The following POLN variants were observed in gnomAD, a reference collection of about 807,000 sequenced individuals.
The protein encoded by POLN is DNA polymerase nu.
In POLN, 108 loss-of-function variants were observed where a neutral mutation model predicts 113.5. The ratio of observed to expected loss-of-function variants is 0.95; its 90% CI spans 0.81 to 1.12. POLN has a LOEUF of 1.12. Among genes scored for constraint, POLN ranks in the 50% most tolerant of loss-of-function variants. POLN has a pLI of 0.00. For synonymous variants in POLN, 386 were observed against 391.5 expected (o/e 0.99, Z 0.17); for missense variants, 1,097 against 1,077.1 (o/e 1.02, Z -0.26).
intron 20 of POLN, among the ~76,000 whole-genome samples, chr4:2,094,278 G>A (rs1730731078): frequency 6.9e-6 from 1 of 144,732 alleles, no homozygotes; most frequent in Non-Finnish European, 1.5e-5. Context: ...AGGAGTTGGA[G>A]GTTGAGCCAA....
intron 19 of POLN, among the ~76,000 whole-genome samples, chr4:2,121,444 A>ATAT (rs1361908101): frequency 1.3e-5 from 1 of 77,546 alleles, no homozygotes; most frequent in East Asian, 3.3e-4. Flanking sequence ...CAAAAAAAAA[A>ATAT]AAAAAAAAAT....
intron 16 of POLN, among the ~76,000 whole-genome samples, chr4:2,155,397 A>T (rs543228275): frequency 6.6e-6 from 1 of 152,324 alleles, no homozygotes; most frequent in East Asian, 1.9e-4. Flanking sequence ...ACTGACCAAG[A>T]GTGGGTGTCC....
intron 19 of POLN, among the ~76,000 whole-genome samples, chr4:2,107,999 C>T (rs188806418): frequency 5.3e-5 from 8 of 151,256 alleles, no homozygotes; most frequent in African/African-American, 1.7e-4. Context: ...GAGCGCTTTG[C>T]ACCTTTGCTC....
Position 2,093,064 on chromosome 4 carries a change from C to T in POLN, c.2065+2787G>A, listed in dbSNP as rs1730704072. On this transcript the variant is annotated intron_variant, in intron 20 of 25. Coordinates refer to ENST00000511885, the MANE Select transcript of POLN (RefSeq NM_181808.4). This position sits in a 1 kb window ranked among gnomAD's most constrained non-coding sequence, Gnocchi z 4.1. Reference sequence around the variant, plus strand: ...CAACATTATGGCTAATGACTCAGTGCTTATTTACAAAATGTAGCTCTTTTC... The same window carrying T: ...CAACATTATGGCTAATGACTCAGTGTTTATTTACAAAATGTAGCTCTTTTC... Among the ~76,000 whole-genome samples, 1 of 151,816 alleles carries T rather than the reference C, an allele frequency of 6.6e-6. No individual in the cohort carries two copies. Among genetic ancestry groups the T allele is most frequent in the Non-Finnish European group, 1.5e-5 (1 of 68,004 alleles).
At chr4:2,116,750 A>G (rs944911918) in intron 19 of POLN, among the ~76,000 whole-genome samples, 1 of 152,220 alleles carries the variant, frequency 6.6e-6, no homozygotes, top group Non-Finnish European at 1.5e-5. Context: ...GCACCCATTC[A>G]TGGCATTCCA....
At chr4:2,073,144 T>C (rs1224278867) in intron 24 of POLN, 115 bp from the exon 25 acceptor site, 2 of 984,464 alleles carry the variant, frequency 2.0e-6, no homozygotes, top group Admixed American at 2.0e-5. Context: ...GCCCCCTTGT[T>C]TCCTGTGTCC....
At chr4:2,113,865 T>C (rs866191568) in intron 19 of POLN, among the ~76,000 whole-genome samples, 2 of 126,824 alleles carry the variant, frequency 1.6e-5, no homozygotes, top group Non-Finnish European at 3.4e-5. Flanking sequence ...TTCAAAATAA[T>C]AATAATAATA....
At chr4:2,218,731 A>ATG (rs911904961) in intron 3 of POLN, among the ~76,000 whole-genome samples, 4 of 152,230 alleles carry the variant, frequency 2.6e-5, no homozygotes, top group Non-Finnish European at 5.9e-5. Context: ...ATGGAAAAGA[A>ATG]TGTGTTCACC....
chr4:2,212,363 G>T (rs1426741220), intron 4 of POLN, among the ~76,000 whole-genome samples: 4 of 151,920 alleles, frequency 2.6e-5, no homozygotes, highest in African/African-American at 9.7e-5. Flanking sequence ...TAAAGGTGGG[G>T]ATCTTTTTAT....
chr4:2,120,829 T>A (rs924972451), intron 19 of POLN, among the ~76,000 whole-genome samples: 1 of 152,236 alleles, frequency 6.6e-6, no homozygotes, highest in African/African-American at 2.4e-5. Flanking sequence ...ATTGTGTTTT[T>A]AATTTTGATT....
At chr4:2,130,847 G>C (rs560577148) in intron 17 of POLN, among the ~76,000 whole-genome samples, 2 of 152,290 alleles carry the variant, frequency 1.3e-5, no homozygotes, top group Non-Finnish European at 2.9e-5. Context: ...AGGTGAAGCA[G>C]TTAGTTATAT....
chr4:2,089,172 T>A, intron 20 of POLN: 1 of 1,461,456 alleles, frequency 6.8e-7, no homozygotes, highest in Non-Finnish European at 9.4e-7. Flanking sequence ...GAGACCTCAC[T>A]TCAGATAAAC....
intron 13 of POLN, among the ~76,000 whole-genome samples, chr4:2,166,116 T>C (rs1236890925): frequency 6.6e-6 from 1 of 152,114 alleles, no homozygotes; most frequent in Admixed American, 6.6e-5. Context: ...TCATAGTTGC[T>C]CCCTTACTTA....
At position 2,217,825 on chromosome 4, in the gene POLN, G is replaced by T. The variant is rs543913246; in HGVS notation, c.134-4699C>A. Among the ~76,000 whole-genome samples, 4 of 152,270 alleles carry T rather than the reference G, an allele frequency of 2.6e-5. No individual in the cohort carries two copies. In the South Asian group the frequency reaches 8.3e-4, roughly 32 times the overall value. The stretch of plus-strand genomic sequence containing the variant: ...CTGAGCCACTTGCTTCACAGCCTAG[G>T]CCTCTTACAGGATGCTTTCCTATGC... On this transcript the variant is annotated intron_variant, in intron 3 of 25. Coordinates refer to ENST00000511885, the MANE Select transcript of POLN (RefSeq NM_181808.4).
chr4:2,155,381 G>A (rs181024102), intron 16 of POLN, among the ~76,000 whole-genome samples: 239 of 152,310 alleles, frequency 1.6e-3, no homozygotes, highest in Non-Finnish European at 2.6e-3. Flanking sequence ...GGCAGCCCGA[G>A]AGCTGACTGA....
chr4:2,177,290 C>A, intron 8 of POLN: 1 of 483,878 alleles, frequency 2.1e-6, no homozygotes, highest in Admixed American at 2.1e-5. Context: ...CACAGCCATG[C>A]CTCCTTCTCC....
Position 2,238,857 on chromosome 4 carries a change from A to G in POLN, c.-13+2663T>C. ...AAAACTAACTCTTGTCTTGCTGTAT[A>G]ATAATCTTGTTTAGCAATCTGCAGA... On this transcript the variant is annotated intron_variant, in intron 2 of 25. Transcript: ENST00000511885. The G allele has an allele frequency of 6.2e-7, 1 of 1,613,290 alleles. No homozygotes were observed. Among genetic ancestry groups the G allele is most frequent in the Admixed American group, 1.7e-5 (1 of 59,946 alleles).
At chr4:2,159,627 A>G (rs988341045) in intron 13 of POLN, among the ~76,000 whole-genome samples, 6 of 152,218 alleles carry the variant, frequency 3.9e-5, no homozygotes, top group Non-Finnish European at 7.3e-5. Context: ...GAGAGTAAGA[A>G]AAGTTTGTTA....
rs546784741 is a variant in POLN at position 2,170,380 on chromosome 4, G to A, written c.1554+299C>T. Among the ~76,000 whole-genome samples the A allele has an allele frequency of 2.1e-3, 317 of 152,336 alleles. 1 individual carries two copies. Among genetic ancestry groups the A allele is most frequent in the African/African-American group, 7.3e-3 (302 of 41,564 alleles). ...CGTTTCTAGTTCCTCTTGGGGACAC[G>A]AAGCAAAGAGGTTGTGACTGGATTG... On this transcript the variant is annotated intron_variant, in intron 13 of 25. Transcript: ENST00000511885.
Sources: gnomAD v4.1 joint callset for allele counts (sites outside exome capture counted in the v4.1 genomes callset) on GRCh38, gnomAD v4.1.1 for gene constraint, Gnocchi (gnomAD v3.1) non-coding constraint, MANE v1.5 for transcripts, NCBI Gene and HGNC (gene_info 2026-07-23, HGNC 2026-07-21) for gene names.